Variants in TENM1 observed in about 807,000 individuals in gnomAD.
TENM1 encodes teneurin transmembrane protein 1.
In TENM1, 35 loss-of-function variants were observed where a neutral mutation model predicts 174.8. The ratio of observed to expected loss-of-function variants is 0.20; its 90% CI spans 0.15 to 0.27. TENM1 has a LOEUF of 0.27. Among genes scored for constraint, TENM1 ranks in the 10% least tolerant of loss-of-function variants. The pLI is 1.00. For synonymous variants in TENM1, 781 were observed against 798.7 expected (o/e 0.98, Z 0.37); for missense variants, 1,633 against 2,130.1 (o/e 0.77, Z 4.59).
intron 19 of TENM1, among the ~76,000 whole-genome samples, chrX:124,502,660 T>TA (rs1164583762): frequency 1.8e-5 from 2 of 110,966 alleles, no homozygotes; most frequent in Non-Finnish European, 3.8e-5. Flanking sequence ...TCTTTGCTCT[T>TA]AAAAAAAAAT....
At chrX:124,682,080 T>G (rs1006227167) in intron 5 of TENM1, among the ~76,000 whole-genome samples, 1 of 111,466 alleles carries the variant, frequency 9.0e-6, no homozygotes, top group Non-Finnish European at 1.9e-5. Context: ...AACAAAAACC[T>G]CACCTAATTT....
At chrX:124,720,307 T>G (rs1161031104) in intron 4 of TENM1, among the ~76,000 whole-genome samples, 2 of 112,059 alleles carry the variant, frequency 1.8e-5, no homozygotes, top group Admixed American at 1.9e-4. Context: ...AAAGCAGGCA[T>G]CATCTGCATG....
At chrX:124,463,719 C>T (rs763918652) in intron 22 of TENM1, among the ~76,000 whole-genome samples, 2 of 110,820 alleles carry the variant, frequency 1.8e-5, no homozygotes, top group South Asian at 7.8e-4. Flanking sequence ...GGTTCCATGC[C>T]GTGCAACTCG....
At chrX:124,383,695 G>C in exon 30 of TENM1, 1 of 1,209,023 alleles carries the variant, frequency 8.3e-7, no homozygotes, top group Non-Finnish European at 1.1e-6. Context: ...CAAAGGAGTA[G>C]AGGTTGAATG....
chrX:124,810,853 T>C (rs1486610083), intron 3 of TENM1, among the ~76,000 whole-genome samples: 1 of 111,105 alleles, frequency 9.0e-6, no homozygotes, highest in Non-Finnish European at 1.9e-5. Context: ...AAAAGACACA[T>C]AGACTAACAT....
chrX:125,171,825 A>G, the TENM1 span, among the ~76,000 whole-genome samples: 1 of 111,856 alleles, frequency 8.9e-6, no homozygotes, highest in Non-Finnish European at 1.9e-5. Flanking sequence ...GAAACAGACT[A>G]AGACAGGAAG....
rs748044126 is a variant in TENM1 at position 124,413,170 on chromosome X, T to C, written c.4983-6681A>G. Among the ~76,000 whole-genome samples the C allele has an allele frequency of 4.5e-5, 5 of 111,751 alleles. No individual in the cohort carries two copies. The East Asian group carries it at 1.4e-3, about 32-fold the overall frequency. ...ACAGTGTTTTGGTGGCAATGAGTCTTGGAAGGGGAGGCAAGGAGCAGGGAG... is the reference window on the plus strand; with the variant it reads ...ACAGTGTTTTGGTGGCAATGAGTCTCGGAAGGGGAGGCAAGGAGCAGGGAG... On this transcript the variant is annotated intron_variant, in intron 25 of 31. Coordinates refer to ENST00000422452, the Ensembl canonical transcript of TENM1.
chrX:124,723,591 GTTTTTTTTTTTGTT>G (rs1306377099), intron 4 of TENM1, among the ~76,000 whole-genome samples: 30 of 86,911 alleles, frequency 3.5e-4, no homozygotes, highest in Non-Finnish European at 5.8e-4. Flanking sequence ...TATCTGGTGG[GTTTTTTTTTTTGTT>G]TTTTTTTTTT....
the TENM1 span, among the ~76,000 whole-genome samples, chrX:125,062,292 C>G: frequency 2.7e-5 from 3 of 111,293 alleles, no homozygotes; most frequent in African/African-American, 9.8e-5. Context: ...GAAATACTGA[C>G]AGAATAAAGG....
the TENM1 span, among the ~76,000 whole-genome samples, chrX:125,020,517 C>G: frequency 1.8e-5 from 2 of 108,638 alleles, no homozygotes; most frequent in Admixed American, 9.9e-5. Context: ...ATGGAAGGCC[C>G]AGGTTTATTT....
chrX:125,004,804 CTA>C, the TENM1 span, among the ~76,000 whole-genome samples: 8 of 111,500 alleles, frequency 7.2e-5, no homozygotes, highest in Non-Finnish European at 1.5e-4. Flanking sequence ...AAAACATTTT[CTA>C]TGTTTTTTTC....
Position 124,514,691 on chromosome X carries a change from TACCA to T in TENM1, c.3301+5822_3301+5825del, listed in dbSNP as rs749021228. ...GAAACGGAATCAGTAATAAATAGCC[TACCA>T]ACCAACCAACCAACCAACCAACAAA... is the stretch of plus-strand genomic sequence containing the variant. On this transcript the variant is annotated intron_variant, in intron 18 of 31. Coordinates refer to ENST00000422452, the Ensembl canonical transcript of TENM1. 2.1e-3 allele frequency among the ~76,000 whole-genome samples: 236 copies of T among 110,486 alleles called. 2 individuals carry two copies. Among genetic ancestry groups the T allele is most frequent in the Non-Finnish European group, 3.4e-3 (177 of 52,772 alleles).
chrX:125,161,039 T>TAA, the TENM1 span, among the ~76,000 whole-genome samples: 343 of 53,377 alleles, frequency 6.4e-3, 1 homozygote, highest in African/African-American at 0.014. Flanking sequence ...GGCCAAAAAG[T>TAA]AAAAAAAAAA....
At chrX:124,660,299 C>T (rs935909403) in intron 6 of TENM1, among the ~76,000 whole-genome samples, 3 of 106,635 alleles carry the variant, frequency 2.8e-5, no homozygotes, top group Non-Finnish European at 5.8e-5. Flanking sequence ...GGCGTGAACC[C>T]GGGAGGCAGA....
chrX:125,184,826 T>G, the TENM1 span, among the ~76,000 whole-genome samples: 1 of 111,776 alleles, frequency 8.9e-6, no homozygotes, highest in African/African-American at 3.2e-5. Flanking sequence ...CAATGCTTTC[T>G]GTGCCTTAGT....
rs191343166 is a variant in TENM1, at chrX:124,594,291, T to C, written c.2078-28731A>G. Among the ~76,000 whole-genome samples the C allele has an allele frequency of 7.1e-4, 79 of 111,634 alleles. 1 individual carries two copies. The highest frequency in any genetic ancestry group is 2.4e-3 in the African/African-American group (75 of 30,698). ...ATTCACCTCCCTGGGATCTGGAGTG[T>C]CCTTCACAATTCCCAGAATAATGCT... On this transcript the variant is annotated intron_variant, in intron 11 of 31. Coordinates refer to ENST00000422452, the Ensembl canonical transcript of TENM1.
At chrX:124,614,332 C>T (rs1301772583) in intron 11 of TENM1, among the ~76,000 whole-genome samples, 1 of 112,098 alleles carries the variant, frequency 8.9e-6, no homozygotes, top group African/African-American at 3.2e-5. Flanking sequence ...TATATGAAAT[C>T]TCAAAGTAAT....
chrX:124,893,317 A>G (rs1420131550), intron 3 of TENM1, among the ~76,000 whole-genome samples: 2 of 112,666 alleles, frequency 1.8e-5, no homozygotes, highest in African/African-American at 6.4e-5. Flanking sequence ...TACTTGGAAA[A>G]TAATCCATTG....
chrX:124,662,998 T>C (rs1354583825), intron 6 of TENM1, among the ~76,000 whole-genome samples: 1 of 112,116 alleles, frequency 8.9e-6, no homozygotes, highest in African/African-American at 3.2e-5. Flanking sequence ...GGATTAAAAA[T>C]TATGAGCTTC....
Sources: allele counts gnomAD v4.1 joint callset (sites outside exome capture counted in the v4.1 genomes callset), GRCh38; gene constraint gnomAD v4.1.1; transcripts MANE v1.5; gene names NCBI Gene and HGNC (gene_info 2026-07-23, HGNC 2026-07-21).